Variants in UBR2 observed in about 807,000 individuals in gnomAD.
The protein encoded by UBR2 is E3 ubiquitin-protein ligase UBR2.
In UBR2, 92 loss-of-function variants were observed where a neutral mutation model predicts 247.9. The ratio of observed to expected loss-of-function variants is 0.37; its 90% confidence interval spans 0.31 to 0.44. UBR2 has a LOEUF of 0.44. Among genes scored for constraint, UBR2 ranks in the 20% least tolerant of loss-of-function variants. The pLI, the probability that UBR2 is intolerant of heterozygous loss-of-function variation, is 1.00. For missense variants in UBR2, 1,613 were observed against 2,112.6 expected (o/e 0.76, Z 4.64); for synonymous variants, 672 against 693.5 (o/e 0.97, Z 0.49).
intron 1 of UBR2, among the ~76,000 whole-genome samples, chr6:42,564,770 G>T (rs1371561886): frequency 6.6e-6 from 1 of 152,046 alleles, no homozygotes; most frequent in South Asian, 2.1e-4. Flanking sequence ...TGGTATAATC[G>T]CCCTAGTTTA....
chr6:42,624,433 G>A (rs563976974), intron 11 of UBR2, among the ~76,000 whole-genome samples: 1 of 152,026 alleles, frequency 6.6e-6, no homozygotes, highest in East Asian at 1.9e-4. Context: ...GATTACAGGT[G>A]TGAACCACTT....
At chr6:42,632,498 C>T (rs1355945499) in intron 11 of UBR2, 54 bp from the exon 12 acceptor site, 6 of 1,424,396 alleles carry the variant, frequency 4.2e-6, no homozygotes, top group Admixed American at 2.8e-5. Flanking sequence ...TTTTTTTAGT[C>T]TTCCTAGTAC....
At chr6:42,670,541 C>A in intron 35 of UBR2, 119 bp from the exon 36 acceptor site, 1 of 762,382 alleles carries the variant, frequency 1.3e-6, no homozygotes, top group Non-Finnish European at 2.0e-6. Flanking sequence ...TTTGAAGATT[C>A]TGAAACTTGA....
intron 36 of UBR2, among the ~76,000 whole-genome samples, chr6:42,670,947 A>G (rs977834569): frequency 6.6e-6 from 1 of 152,238 alleles, no homozygotes; most frequent in African/African-American, 2.4e-5. Flanking sequence ...GCACTTTGGG[A>G]GGCCGAGGCA....
In UBR2 at chr6:42,637,087, A is replaced by G; in HGVS notation, c.1751A>G (p.Glu584Gly). The G allele has an allele frequency of 6.2e-7, 1 of 1,614,170 alleles. No individual in the cohort carries two copies. Among genetic ancestry groups the G allele is most frequent in the Non-Finnish European group, 8.5e-7 (1 of 1,180,024 alleles). Residue 584 changes from glutamate to glycine, a missense_variant, in exon 15 of 47, where the codon GAA becomes GGA. By Grantham distance (98) the Glu-to-Gly change is moderately conservative. Around this residue, in one of 3 missense-constraint regions of UBR2, gnomAD observed 1,524 missense variants for 1,967.3 expected, o/e 0.77. Coordinates refer to ENST00000372901, the MANE Select transcript of UBR2 (RefSeq NM_001363705.2). Reference sequence around the variant, plus strand: ...TGTCATGGTGGTTATACTGATGGTGAACAGCCAATCACACTAAGCATTTGT... The same window carrying G: ...TGTCATGGTGGTTATACTGATGGTGGACAGCCAATCACACTAAGCATTTGT... Reference protein sequence around the residue: ...MQCHGGYTDGEQPITLSICGH... With the variant: ...MQCHGGYTDGGQPITLSICGH...
intron 34 of UBR2, among the ~76,000 whole-genome samples, chr6:42,667,018 G>T (rs1466091479): frequency 6.6e-6 from 1 of 152,120 alleles, no homozygotes; most frequent in Non-Finnish European, 1.5e-5. Context: ...TGCCTGGCAT[G>T]TACCAAGTAA....
chr6:42,637,483 T>C (rs1359560150), intron 15 of UBR2, among the ~76,000 whole-genome samples: 1 of 144,140 alleles, frequency 6.9e-6, no homozygotes, highest in Admixed American at 7.1e-5. Context: ...ATAGCCGTTA[T>C]ACCATAGTGC....
Position 42,614,400 on chromosome 6 carries a change from A to ATACGTATGTATGTACG in UBR2, c.986-664_986-649dup, listed in dbSNP as rs1554250395. Among the ~76,000 whole-genome samples the ATACGTATGTATGTACG allele has an allele frequency of 3.7e-4, 26 of 70,642 alleles. 1 individual carries two copies. The Admixed American group carries it at 4.0e-3, about 11-fold the overall frequency. The allele number at this position is 70,642 out of a possible 152,430, so 46.3% of individuals were successfully genotyped here. On this transcript the variant is annotated intron_variant, in intron 8 of 46. Coordinates refer to ENST00000372901, the MANE Select transcript of UBR2 (RefSeq NM_001363705.2). ...TGTATATATGTATGTACGTACATAC[A>ATACGTATGTATGTACG]TACGTATGTATGTACGTACGTACAT...
At chr6:42,614,657 G>A (rs968931839) in intron 8 of UBR2, among the ~76,000 whole-genome samples, 2 of 152,172 alleles carry the variant, frequency 1.3e-5, no homozygotes, top group African/African-American at 4.8e-5. Flanking sequence ...TTATAATGCA[G>A]AAGTCATGCA....
chr6:42,666,167 A>C lies in UBR2; in HGVS notation c.3803A>C (p.Asn1268Thr), dbSNP rs777124232. 6.2e-7 allele frequency: 1 copy of C among 1,611,694 alleles called. No individual in the cohort carries two copies. The highest frequency in any genetic ancestry group is 1.7e-5 in the Admixed American group (1 of 59,826). Residue 1268 changes from asparagine (N) to threonine (T), a missense_variant and splice_region_variant, in exon 34 of 47, where the codon AAT becomes ACT. Physicochemically the swap from Asn to Thr is moderately conservative, Grantham distance 65. Transcript: ENST00000372901. ...QFLRKEESTP[N>T]NASTKNSENV... Reference sequence around the variant, plus strand: ...TAGTATAAAATGCCTGTTTCTATAGATAATGCCTCTACAAAGAATTCAGAA... The same window carrying C: ...TAGTATAAAATGCCTGTTTCTATAGCTAATGCCTCTACAAAGAATTCAGAA...
chr6:42,614,411 T>TGGAC (rs1794384484), intron 8 of UBR2, among the ~76,000 whole-genome samples: 1 of 50,686 alleles, frequency 2.0e-5, no homozygotes, highest in Non-Finnish European at 4.2e-5. Flanking sequence ...TACGTATGTA[T>TGGAC]GTACGTACGT....
intron 15 of UBR2, among the ~76,000 whole-genome samples, 181 bp downstream of exon 15, chr6:42,637,375 G>A (rs1234526537): frequency 6.6e-6 from 1 of 152,080 alleles, no homozygotes; most frequent in Non-Finnish European, 1.5e-5. Context: ...TTCATAGATG[G>A]GAAGACAGAG....
At chr6:42,634,392 TAAGAA>T in intron 13 of UBR2, 1 of 207,538 alleles carries the variant, frequency 4.8e-6, no homozygotes, top group South Asian at 5.7e-5. Context: ...CTGGCTTTCT[TAAGAA>T]AAGGAATGAC....
At chr6:42,633,879 T>C (rs904925339) in intron 13 of UBR2, among the ~76,000 whole-genome samples, 6 of 151,538 alleles carry the variant, frequency 4.0e-5, no homozygotes, top group Admixed American at 3.3e-4. Flanking sequence ...TACAGGCACC[T>C]GCCACCATGC....
chr6:42,579,085 G>A (rs1374172743), intron 2 of UBR2, among the ~76,000 whole-genome samples: 1 of 152,092 alleles, frequency 6.6e-6, no homozygotes, highest in East Asian at 1.9e-4. Context: ...AATACCTGAG[G>A]CTGGATAATT....
Position 42,616,008 on chromosome 6 carries a change from G to A in UBR2, c.1100G>A (p.Arg367Lys). ...LSDSKLWKGARSVYHQLFMSS... is the reference protein window; with the variant it reads ...LSDSKLWKGAKSVYHQLFMSS... ...CGTGATCTTTTTCTACAAGGTGCTA[G>A]GAGTGTATATCATCAGTTGTTCATG... is the stretch of plus-strand genomic sequence containing the variant. Residue 367 changes from arginine to lysine, a missense_variant, in exon 10 of 47, where the codon AGG becomes AAG. Arg to Lys is a conservative substitution (Grantham distance 26, BLOSUM62 2). Transcript: ENST00000372901. 2 of 1,600,476 alleles carry A rather than the reference G, an allele frequency of 1.2e-6. No homozygotes were observed. Among genetic ancestry groups the A allele is most frequent in the Non-Finnish European group, 1.7e-6 (2 of 1,175,858 alleles).
At chr6:42,597,203 G>C (rs957273734) in intron 4 of UBR2, among the ~76,000 whole-genome samples, 1 of 152,072 alleles carries the variant, frequency 6.6e-6, no homozygotes, top group African/African-American at 2.4e-5. Flanking sequence ...AAGCTCCCCT[G>C]CCTAGCCAAA....
At chr6:42,684,946 T>C in intron 44 of UBR2, 75 bp downstream of exon 44, 1 of 1,205,720 alleles carries the variant, frequency 8.3e-7, no homozygotes, top group Non-Finnish European at 1.2e-6. Flanking sequence ...AAGGATTTTG[T>C]TGTTGTTCTT....
rs530014556 is a variant in UBR2 at position 42,621,012 on chromosome 6, G to A, written c.1281+3505G>A. Among the ~76,000 whole-genome samples, 256 of 152,108 alleles carry A rather than the reference G, an allele frequency of 1.7e-3. 2 individuals carry two copies. The highest frequency in any genetic ancestry group is 5.5e-3 in the African/African-American group (230 of 41,516). On this transcript the variant is annotated intron_variant, in intron 11 of 46. Transcript: ENST00000372901. ...GTTTGTTTGTATTTTTAGTAGAGAC[G>A]GGGTTTCACTATGTTGGACAGACTG...
Sources: allele counts gnomAD v4.1 joint callset (sites outside exome capture counted in the v4.1 genomes callset), GRCh38; gene constraint gnomAD v4.1.1; regional missense constraint gnomAD v4.1.1; transcripts MANE v1.5; gene names NCBI Gene and HGNC (gene_info 2026-07-23, HGNC 2026-07-21).